The following CLIP1 variants were observed in gnomAD, a reference collection of about 807,000 sequenced individuals.
CLIP1 encodes the protein CAP-Gly domain-containing linker protein 1.
In CLIP1, 66 loss-of-function variants were observed where a neutral mutation model predicts 161.6. The ratio of observed to expected loss-of-function variants is 0.41; its 90% CI spans 0.33 to 0.50. The LOEUF (loss-of-function observed/expected upper bound fraction) is 0.50, where lower values mean the gene tolerates loss of function less well. Among genes scored for constraint, CLIP1 ranks in the 20% least tolerant of loss-of-function variants. The pLI is 0.27. For synonymous variants in CLIP1, 598 were observed against 626.2 expected (o/e 0.96, Z 0.67); for missense variants, 1,376 against 1,702.0 (o/e 0.81, Z 3.37).
intron 3 of CLIP1, among the ~76,000 whole-genome samples, chr12:122,373,470 A>G (rs1954557658): frequency 6.6e-6 from 1 of 151,892 alleles, no homozygotes; most frequent in Admixed American, 6.6e-5. Flanking sequence ...AATCTAAAAA[A>G]AGAGCTTTAA....
chr12:122,350,923 A>G, intron 9 of CLIP1, 188 bp downstream of exon 9: 1 of 441,874 alleles, frequency 2.3e-6, no homozygotes. Context: ...TGTGGAGCTT[A>G]GTCATTACAT....
chr12:122,409,383 C>T (rs1477334512), intron 1 of CLIP1, among the ~76,000 whole-genome samples: 1 of 152,012 alleles, frequency 6.6e-6, no homozygotes, highest in Non-Finnish European at 1.5e-5. Flanking sequence ...ACCTTGGCTT[C>T]CCAAAGTGCT....
intron 2 of CLIP1, among the ~76,000 whole-genome samples, chr12:122,379,323 C>A (rs201581134): frequency 1.4e-3 from 202 of 139,344 alleles, no homozygotes; most frequent in African/African-American, 2.4e-3. Flanking sequence ...AAAAAAAAAA[C>A]AAAAACCAGG....
intron 17 of CLIP1, among the ~76,000 whole-genome samples, chr12:122,326,440 G>T (rs1229367657): frequency 6.6e-6 from 1 of 152,248 alleles, no homozygotes; most frequent in Non-Finnish European, 1.5e-5. Flanking sequence ...AGCACCTTGG[G>T]AAGCTGAAGC....
At chr12:122,317,626 G>T (rs887091993) in intron 18 of CLIP1, among the ~76,000 whole-genome samples, 1 of 152,146 alleles carries the variant, frequency 6.6e-6, no homozygotes, top group Admixed American at 6.5e-5. Flanking sequence ...ATTCCTCAAG[G>T]TGGCTCCTGG....
chr12:122,368,517 G>C (rs897640576), intron 3 of CLIP1, among the ~76,000 whole-genome samples: 5 of 152,176 alleles, frequency 3.3e-5, no homozygotes, highest in Non-Finnish European at 7.3e-5. Context: ...TAATCTCACA[G>C]TGCCTGAGTG....
At chr12:122,273,980 G>T in intron 25 of CLIP1, 58 bp downstream of exon 25, 1 of 1,530,318 alleles carries the variant, frequency 6.5e-7, no homozygotes, top group Non-Finnish European at 9.0e-7. Context: ...TGGTCCGCCC[G>T]CCTCGGCCTC....
chr12:122,413,005 C>T lies in CLIP1; in HGVS notation c.-107+9516G>A, dbSNP rs570054084. Among the ~76,000 whole-genome samples the T allele has an allele frequency of 2.6e-5, 4 of 152,254 alleles. No individual in the cohort carries two copies. In the South Asian group the frequency reaches 8.3e-4, roughly 32 times the overall value. Reference sequence around the variant, plus strand: ...CACATGGTTTCATGTAATAAAGACACCCACTTTTCAGAAACCCAGGCAATA... The same window carrying T: ...CACATGGTTTCATGTAATAAAGACATCCACTTTTCAGAAACCCAGGCAATA... On this transcript the variant is annotated intron_variant, in intron 1 of 25. Coordinates refer to ENST00000620786, the MANE Select transcript of CLIP1 (RefSeq NM_001247997.2).
At chr12:122,345,126 G>A (rs1416614513) in intron 10 of CLIP1, among the ~76,000 whole-genome samples, 6 of 151,520 alleles carry the variant, frequency 4.0e-5, no homozygotes, top group East Asian at 1.9e-4. Context: ...TGTATTTCCC[G>A]GATCAATTAT....
intron 1 of CLIP1, among the ~76,000 whole-genome samples, chr12:122,412,407 C>T (rs1026544939): frequency 6.6e-6 from 1 of 151,492 alleles, no homozygotes; most frequent in East Asian, 2.0e-4. Context: ...GTAATCCCAG[C>T]ACTTTGGAAG....
chr12:122,290,093 TTA>T (rs1956037385), intron 20 of CLIP1, among the ~76,000 whole-genome samples: 1 of 152,226 alleles, frequency 6.6e-6, no homozygotes. Context: ...ACACCAAAGA[TTA>T]TGTAATGGCT....
intron 1 of CLIP1, among the ~76,000 whole-genome samples, chr12:122,391,109 G>A (rs573704071): frequency 3.3e-5 from 5 of 152,162 alleles, no homozygotes; most frequent in South Asian, 2.1e-4. Flanking sequence ...CCAACATAGC[G>A]AAACCCCGTC....
intron 1 of CLIP1, among the ~76,000 whole-genome samples, chr12:122,403,610 C>G (rs560327955): frequency 6.7e-6 from 1 of 150,290 alleles, no homozygotes; most frequent in Admixed American, 6.7e-5. Context: ...CCTCTGCCTC[C>G]TGGGTTCAAG....
At chr12:122,381,766 C>G (rs755945337) in intron 1 of CLIP1, among the ~76,000 whole-genome samples, 8 of 152,204 alleles carry the variant, frequency 5.3e-5, no homozygotes, top group South Asian at 2.1e-4. Flanking sequence ...ACATGCAGCC[C>G]ACTCCAGCGG....
chr12:122,411,017 A>G (rs546092259), intron 1 of CLIP1, among the ~76,000 whole-genome samples: 1 of 152,350 alleles, frequency 6.6e-6, no homozygotes, highest in African/African-American at 2.4e-5. Flanking sequence ...TTTGGAAAAC[A>G]GTATTGTACT....
intron 21 of CLIP1, among the ~76,000 whole-genome samples, 171 bp downstream of exon 21, chr12:122,288,318 C>T (rs1403389317): frequency 6.6e-6 from 1 of 152,168 alleles, no homozygotes; most frequent in Non-Finnish European, 1.5e-5. Context: ...GCTATCACAC[C>T]TAGCCCTGCA....
intron 12 of CLIP1, among the ~76,000 whole-genome samples, chr12:122,335,671 G>A (rs985421777): frequency 5.3e-5 from 8 of 151,994 alleles, no homozygotes; most frequent in Admixed American, 2.0e-4. Context: ...GCCAGTCGTG[G>A]TAACAGGCGC....
chr12:122,346,363 A>G (rs1952749022), intron 10 of CLIP1, among the ~76,000 whole-genome samples: 1 of 152,178 alleles, frequency 6.6e-6, no homozygotes, highest in African/African-American at 2.4e-5. Context: ...AGTATGCACT[A>G]TATAGGTGCT....
At chr12:122,352,878 G>T in intron 7 of CLIP1, 92 bp from the exon 8 acceptor site, 2 of 1,058,262 alleles carry the variant, frequency 1.9e-6, no homozygotes, top group Non-Finnish European at 2.9e-6. Flanking sequence ...AACACGTTGG[G>T]CATGGTAGGC....
Sources: gnomAD v4.1 joint callset for allele counts (sites outside exome capture counted in the v4.1 genomes callset) on GRCh38, gnomAD v4.1.1 for gene constraint, MANE v1.5 for transcripts, NCBI Gene and HGNC (gene_info 2026-07-23, HGNC 2026-07-21) for gene names.